The following MGLL variants were observed in gnomAD, a reference collection of about 807,000 sequenced individuals.
The protein encoded by MGLL is lysophospholipase homolog.
MGLL carries 7 observed loss-of-function variants against 29.1 expected under a neutral mutation model. The observed-to-expected ratio is 0.24, with a 90% confidence interval of 0.14 to 0.45. MGLL has a LOEUF of 0.45. Among genes scored for constraint, MGLL ranks in the 20% least tolerant of loss-of-function variants. MGLL has a pLI of 0.99. For synonymous variants in MGLL, 148 were observed against 168.3 expected, an observed-to-expected ratio of 0.88 and a Z score of 0.93; for missense variants, 356 against 413.6, an observed-to-expected ratio of 0.86 and a Z score of 1.21.
intron 5 of MGLL, among the ~76,000 whole-genome samples, chr3:127,718,030 A>C (rs746807240): frequency 8.5e-5 from 13 of 152,184 alleles, no homozygotes; most frequent in Non-Finnish European, 4.4e-5. Context: ...GGGCCCCCCC[A>C]TCCATCCTCA....
chr3:127,745,640 A>C (rs958307405), intron 3 of MGLL, among the ~76,000 whole-genome samples: 2 of 152,198 alleles, frequency 1.3e-5, no homozygotes, highest in Non-Finnish European at 2.9e-5. Flanking sequence ...ACCACCACGC[A>C]ATATATCCAT....
In MGLL at chr3:127,726,194, G is replaced by GAAAGAAAGA. The variant is rs1559926432; in HGVS notation, c.263-3637_263-3629dup. Among the ~76,000 whole-genome samples, 185 of 75,032 alleles carry GAAAGAAAGA rather than the reference G, an allele frequency of 2.5e-3. 1 individual carries two copies. The highest frequency in any genetic ancestry group is 3.9e-3 in the East Asian group (10 of 2,584). The allele number at this position is 75,032 out of a possible 152,430, so 49.2% of individuals were successfully genotyped here. ...AAAGAAAGAAAGAAAGAAAAGAAAA[G>GAAAGAAAGA]AAAGAAAGAAAGACAGAAGGAAGGA... On this transcript the variant is annotated intron_variant, in intron 3 of 7. Coordinates refer to ENST00000265052, the MANE Select transcript of MGLL (RefSeq NM_007283.7).
chr3:127,721,981 G>A (rs570361943), intron 4 of MGLL, among the ~76,000 whole-genome samples: 1 of 152,342 alleles, frequency 6.6e-6, no homozygotes, highest in East Asian at 1.9e-4. Context: ...AAAGGTGGAA[G>A]GAGTTGGAAT....
At chr3:127,813,342 A>T (rs1460998388) in intron 2 of MGLL, among the ~76,000 whole-genome samples, 1 of 152,074 alleles carries the variant, frequency 6.6e-6, no homozygotes, top group African/African-American at 2.4e-5. Context: ...GTCTCTGGCC[A>T]TCTCTTCTGA....
chr3:127,704,398 A>C (rs1032645032), intron 6 of MGLL, among the ~76,000 whole-genome samples: 1 of 152,210 alleles, frequency 6.6e-6, no homozygotes, highest in African/African-American at 2.4e-5. Context: ...TAAACTAAAG[A>C]GCTTCTGCAC....
At chr3:127,741,044 C>A (rs904471280) in intron 3 of MGLL, among the ~76,000 whole-genome samples, 1 of 152,232 alleles carries the variant, frequency 6.6e-6, no homozygotes, top group Non-Finnish European at 1.5e-5. Flanking sequence ...GTAGACCTAA[C>A]CACTGGGCCT....
intron 3 of MGLL, among the ~76,000 whole-genome samples, chr3:127,739,467 A>G (rs1422265891): frequency 6.6e-6 from 1 of 152,224 alleles, no homozygotes; most frequent in Non-Finnish European, 1.5e-5. Context: ...GTCTCCTTTC[A>G]ATAACTTGCC....
chr3:127,722,396 T>A (rs2291372), intron 4 of MGLL, 34 bp downstream of exon 4: 62,295 of 1,613,602 alleles, frequency 0.039, 1,738 homozygotes, highest in East Asian at 0.13. Flanking sequence ...GAAGCCAGGG[T>A]GGATTTAACC....
intron 5 of MGLL, chr3:127,715,976 AG>A (rs2075807180): frequency 2.7e-6 from 1 of 375,708 alleles, no homozygotes; most frequent in African/African-American, 2.1e-5. Context: ...AGGAGAGAGG[AG>A]CCCCTGCATG....
At chr3:127,785,532 T>C (rs1385122770) in intron 2 of MGLL, among the ~76,000 whole-genome samples, 2 of 152,228 alleles carry the variant, frequency 1.3e-5, no homozygotes, top group African/African-American at 4.8e-5. Flanking sequence ...GTGGAGGAAA[T>C]GCACATCCCA....
intron 3 of MGLL, among the ~76,000 whole-genome samples, chr3:127,767,829 G>A (rs1244365913): frequency 6.6e-6 from 1 of 152,228 alleles, no homozygotes; most frequent in Non-Finnish European, 1.5e-5. Context: ...AATGTGGTGA[G>A]GCCATCAGTA....
intron 2 of MGLL, among the ~76,000 whole-genome samples, chr3:127,819,387 C>T (rs985417876): frequency 6.6e-6 from 1 of 152,162 alleles, no homozygotes; most frequent in African/African-American, 2.4e-5. Context: ...TATCCACAGG[C>T]CCCCGGGGTG....
At chr3:127,715,726 T>G in intron 5 of MGLL, 1 of 456,678 alleles carries the variant, frequency 2.2e-6, no homozygotes, top group South Asian at 1.5e-5. Flanking sequence ...GAAGGAGTCA[T>G]GGCAGGTCCC....
At chr3:127,792,472 G>A (rs1360767914) in intron 2 of MGLL, among the ~76,000 whole-genome samples, 1 of 152,144 alleles carries the variant, frequency 6.6e-6, no homozygotes, top group Non-Finnish European at 1.5e-5. Context: ...GGGAGGCCAA[G>A]GAGGTCAGAT....
At chr3:127,752,325 C>A (rs1308343475) in intron 3 of MGLL, among the ~76,000 whole-genome samples, 8 of 152,348 alleles carry the variant, frequency 5.3e-5, no homozygotes, top group Non-Finnish European at 1.2e-4. Context: ...CCTCGAACTC[C>A]TGACCTCAAG....
intron 3 of MGLL, among the ~76,000 whole-genome samples, chr3:127,737,681 C>T (rs187775510): frequency 0.093 from 8,759 of 94,104 alleles, 284 homozygotes; most frequent in East Asian, 0.2. Flanking sequence ...TTTTGCTCTT[C>T]TTGCCCAGGC....
At chr3:127,742,157 A>C (rs1339266716) in intron 3 of MGLL, among the ~76,000 whole-genome samples, 1 of 152,240 alleles carries the variant, frequency 6.6e-6, no homozygotes, top group African/African-American at 2.4e-5. Flanking sequence ...TTTCATTGTC[A>C]TCAGCAAAGT....
chr3:127,806,152 C>T (rs1478942400), intron 2 of MGLL, among the ~76,000 whole-genome samples: 2 of 152,214 alleles, frequency 1.3e-5, no homozygotes, highest in Non-Finnish European at 2.9e-5. Context: ...GGGTCCTCTC[C>T]TCTGGGAAGC....
chr3:127,765,977 C>G (rs973665700), intron 3 of MGLL, among the ~76,000 whole-genome samples: 2 of 152,312 alleles, frequency 1.3e-5, no homozygotes, highest in African/African-American at 4.8e-5. Context: ...AGCCACTCTG[C>G]TAGCAGCTAA....
Sources: gnomAD v4.1 joint callset for allele counts (sites outside exome capture counted in the v4.1 genomes callset) on GRCh38, gnomAD v4.1.1 for gene constraint, MANE v1.5 for transcripts, NCBI Gene and HGNC (gene_info 2026-07-23, HGNC 2026-07-21) for gene names.